The following AR variants were observed in gnomAD, a reference collection of about 807,000 sequenced individuals.
AR encodes the protein androgen receptor, also known as dihydrotestosterone receptor.
AR carries 8 observed loss-of-function variants against 53.9 expected under a neutral mutation model. The ratio of observed to expected loss-of-function variants is 0.15; its 90% confidence interval spans 0.09 to 0.27. The LOEUF is 0.27. AR is among the 10% of genes least tolerant of loss of function. The pLI is 1.00. For missense variants in AR, 639 were observed against 742.5 expected (o/e 0.86, Z 1.62); for synonymous variants, 359 against 316.4 (o/e 1.13, Z -1.43).
rs183836769 is a variant in AR, at chrX:67,599,935, A to G, written c.1617-43321A>G. Among the ~76,000 whole-genome samples, 84 of 112,115 alleles carry G rather than the reference A, an allele frequency of 7.5e-4. No individual in the cohort carries two copies. In the East Asian group the frequency reaches 0.014, roughly 18 times the overall value. ...TAAATACTATGCAACCATTAAATCA[A>G]CCATTAAATATGTTGGTATATGCAA... On this transcript the variant is annotated intron_variant, in intron 1 of 7. Transcript: ENST00000374690.
At chrX:67,675,121 G>A (rs2075891769) in intron 2 of AR, among the ~76,000 whole-genome samples, 1 of 109,715 alleles carries the variant, frequency 9.1e-6, no homozygotes, top group Non-Finnish European at 1.9e-5. Context: ...GTGACCTCAG[G>A]ACTCTGCCTG....
intron 1 of AR, among the ~76,000 whole-genome samples, chrX:67,641,520 A>C (rs1408941259): frequency 8.9e-6 from 1 of 112,054 alleles, no homozygotes; most frequent in Non-Finnish European, 1.9e-5. Context: ...AGCCAAAAGA[A>C]ATGATCTTAG....
At chrX:67,607,303 C>T (rs994860719) in intron 1 of AR, among the ~76,000 whole-genome samples, 5 of 111,675 alleles carry the variant, frequency 4.5e-5, no homozygotes, top group Non-Finnish European at 9.4e-5. Flanking sequence ...ACTGAGATTA[C>T]GGGCATGAGC....
chrX:67,673,448 G>A (rs1481766283), intron 2 of AR, among the ~76,000 whole-genome samples: 7 of 100,051 alleles, frequency 7.0e-5, no homozygotes, highest in South Asian at 9.2e-4. Flanking sequence ...TCTAGATCTC[G>A]TAGGTGTGCT....
At chrX:67,643,725 C>T (rs1925912508) in intron 2 of AR, among the ~76,000 whole-genome samples, 1 of 111,961 alleles carries the variant, frequency 8.9e-6, no homozygotes, top group African/African-American at 3.2e-5. Flanking sequence ...TTCTACTCTG[C>T]TGGCTAGTAA....
chrX:67,564,860 T>C (rs1921487426), intron 1 of AR, among the ~76,000 whole-genome samples: 1 of 111,941 alleles, frequency 8.9e-6, no homozygotes, highest in Non-Finnish European at 1.9e-5. Context: ...TCATTATAGG[T>C]ACACATTGGG....
At chrX:67,720,760 A>T (rs1215617364) in intron 5 of AR, among the ~76,000 whole-genome samples, 1 of 109,941 alleles carries the variant, frequency 9.1e-6, no homozygotes, top group Non-Finnish European at 1.9e-5. Flanking sequence ...AGTGGCTTGG[A>T]AACCAAAATG....
At chrX:67,561,983 C>T (rs1921339505) in intron 1 of AR, among the ~76,000 whole-genome samples, 2 of 96,817 alleles carry the variant, frequency 2.1e-5, no homozygotes, top group South Asian at 1.1e-3. Flanking sequence ...TCTTGTCGCC[C>T]AGGCTGGAGT....
At chrX:67,614,560 A>G (rs982042047) in intron 1 of AR, among the ~76,000 whole-genome samples, 1 of 111,375 alleles carries the variant, frequency 9.0e-6, no homozygotes, top group Non-Finnish European at 1.9e-5. Flanking sequence ...CACTAAACAA[A>G]CAAACGACTA....
chrX:67,599,944 T>C (rs974575031), intron 1 of AR, among the ~76,000 whole-genome samples: 1 of 111,907 alleles, frequency 8.9e-6, no homozygotes, highest in African/African-American at 3.2e-5. Flanking sequence ...AACCATTAAA[T>C]ATGTTGGTAT....
At chrX:67,623,789 G>A (rs1036224942) in intron 1 of AR, among the ~76,000 whole-genome samples, 8 of 111,455 alleles carry the variant, frequency 7.2e-5, no homozygotes, top group Non-Finnish European at 1.3e-4. Context: ...ATCAAAATGA[G>A]CAATGAAAAT....
intron 1 of AR, among the ~76,000 whole-genome samples, chrX:67,562,102 G>C (rs1314719295): frequency 2.8e-5 from 3 of 106,980 alleles, no homozygotes; most frequent in Non-Finnish European, 3.9e-5. Flanking sequence ...ACCACTCCTG[G>C]GTAATTTTAT....
In AR at chrX:67,546,685, C is replaced by T. The variant is rs1929778935; in HGVS notation, c.1539C>T (p.Pro513=). The T allele has an allele frequency of 1.7e-6, 2 of 1,206,309 alleles. No individual in the cohort carries two copies. ...WYPGGMVSRV[P]YPSPTCVKSE... ...CTGGCGGCATGGTGAGCAGAGTGCC[C>T]TATCCCAGTCCCACTTGTGTCAAAA... The change falls in exon 1 of 8, where the codon CCC becomes CCT. Residue 513 remains proline (P), a synonymous_variant. Transcript: ENST00000374690.
intron 1 of AR, among the ~76,000 whole-genome samples, chrX:67,582,439 C>T (rs772852150): frequency 1.8e-5 from 2 of 111,640 alleles, no homozygotes; most frequent in African/African-American, 6.5e-5. Context: ...GTGATATTTT[C>T]TCCATGGGAA....
intron 1 of AR, among the ~76,000 whole-genome samples, chrX:67,620,584 AG>A (rs1283103146): frequency 9.0e-6 from 1 of 111,657 alleles, no homozygotes; most frequent in Non-Finnish European, 1.9e-5. Flanking sequence ...ACTTATGGGA[AG>A]GGAGGTTAGG....
At chrX:67,669,922 C>T (rs1010708698) in intron 2 of AR, among the ~76,000 whole-genome samples, 10 of 106,322 alleles carry the variant, frequency 9.4e-5, no homozygotes, top group African/African-American at 2.0e-4. Context: ...TTTCAGGCAG[C>T]GTGTTTCTTT....
At chrX:67,658,865 T>A (rs1926718912) in intron 2 of AR, among the ~76,000 whole-genome samples, 1 of 111,921 alleles carries the variant, frequency 8.9e-6, no homozygotes, top group South Asian at 3.7e-4. Flanking sequence ...GAATTTTAAC[T>A]GCTGATGTGG....
intron 3 of AR, among the ~76,000 whole-genome samples, chrX:67,693,953 A>G (rs2076007661): frequency 8.9e-6 from 1 of 112,008 alleles, no homozygotes; most frequent in Admixed American, 9.5e-5. Flanking sequence ...AATTAAAAAC[A>G]TGTAAGCACC....
At chrX:67,717,802 C>G (rs1036849016) in intron 5 of AR, among the ~76,000 whole-genome samples, 180 bp downstream of exon 5, 11 of 113,015 alleles carry the variant, frequency 9.7e-5, no homozygotes. Flanking sequence ...AGCCAACTGG[C>G]AGGAGCCCAG....
Sources: gnomAD v4.1 joint callset for allele counts (sites outside exome capture counted in the v4.1 genomes callset) on GRCh38, gnomAD v4.1.1 for gene constraint, MANE v1.5 for transcripts, NCBI Gene and HGNC (gene_info 2026-07-23, HGNC 2026-07-21) for gene names.